The following DLC1 variants were observed in gnomAD, a reference collection of about 807,000 sequenced individuals.
DLC1 encodes rho GTPase-activating protein 7.
A neutral mutation model predicts 140.3 loss-of-function variants in DLC1; 54 were observed. The ratio of observed to expected loss-of-function variants is 0.38; its 90% CI spans 0.31 to 0.48. DLC1 has a LOEUF of 0.48. Among genes scored for constraint, DLC1 ranks in the 20% least tolerant of loss-of-function variants. The pLI, the probability that DLC1 is intolerant of heterozygous loss-of-function variation, is 0.96. For synonymous variants in DLC1, 986 were observed against 728.1 expected, an observed-to-expected ratio of 1.35 and a Z score of -5.70; for missense variants, 2,536 against 1,907.0, an observed-to-expected ratio of 1.33 and a Z score of -6.14.
In DLC1 at chr8:13,357,890, G is replaced by C. The variant is rs563897478; in HGVS notation, c.1314+35663C>G. Among the ~76,000 whole-genome samples the C allele has an allele frequency of 1.2e-3, 180 of 152,242 alleles. 8 individuals carry two copies. In the South Asian group the frequency reaches 0.033, roughly 28 times the overall value. Reference sequence around the variant, plus strand: ...TAAAATTTCTTGGAAGAAATTAGAAGAGAGCCTCTTGATCACAAAAAATAT... The same window carrying C: ...TAAAATTTCTTGGAAGAAATTAGAACAGAGCCTCTTGATCACAAAAAATAT... On this transcript the variant is annotated intron_variant, in intron 4 of 17. Transcript: ENST00000276297.
intron 2 of DLC1, among the ~76,000 whole-genome samples, chr8:13,426,773 G>A (rs745436747): frequency 2.1e-5 from 3 of 146,062 alleles, no homozygotes; most frequent in Admixed American, 6.9e-5. Flanking sequence ...CCATTGCCTC[G>A]TTCTTATATA....
intron 1 of DLC1, among the ~76,000 whole-genome samples, chr8:13,552,622 G>C (rs1339385464): frequency 1.3e-5 from 2 of 151,434 alleles, no homozygotes; most frequent in African/African-American, 4.8e-5. Flanking sequence ...CTATGTACTA[G>C]AAATGTGTTC....
At chr8:13,548,657 C>G (rs967179469) in intron 1 of DLC1, among the ~76,000 whole-genome samples, 5 of 151,984 alleles carry the variant, frequency 3.3e-5, no homozygotes, top group African/African-American at 1.2e-4. Context: ...ATGGATTTGG[C>G]AATTCTACGG....
intron 5 of DLC1, among the ~76,000 whole-genome samples, chr8:13,181,546 C>T (rs1247762739): frequency 2.8e-5 from 4 of 142,218 alleles, no homozygotes; most frequent in Admixed American, 1.5e-4. Context: ...TCTAAGTGAT[C>T]TCATTGTTCA....
At chr8:13,399,440 C>T (rs1410921561) in intron 3 of DLC1, among the ~76,000 whole-genome samples, 2 of 152,196 alleles carry the variant, frequency 1.3e-5, no homozygotes, top group Non-Finnish European at 2.9e-5. Context: ...CTCATCCTCT[C>T]TCTCTGAAGC....
chr8:13,448,865 C>T (rs999480382), intron 2 of DLC1, among the ~76,000 whole-genome samples: 1 of 151,952 alleles, frequency 6.6e-6, no homozygotes, highest in Non-Finnish European at 1.5e-5. Context: ...ATGTATTATA[C>T]ACTAGCAGAT....
In DLC1 at chr8:13,506,566, CAT is replaced by C. The variant is rs1491228342; in HGVS notation, c.-125-6372_-125-6371del. Among the ~76,000 whole-genome samples the C allele has an allele frequency of 9.9e-3, 104 of 10,524 alleles. 3 individuals carry two copies. Among genetic ancestry groups the C allele is most frequent in the Admixed American group, 0.044 (29 of 662 alleles). The allele number at this position is 10,524 out of a possible 152,430, so 6.9% of individuals were successfully genotyped here. ...ATGGACACACACACACACACACACA[CAT>C]GTGTGTGTGTGTGTATATATATATA... On this transcript the variant is annotated intron_variant, in intron 1 of 17. Coordinates refer to ENST00000276297, the MANE Select transcript of DLC1 (RefSeq NM_182643.3).
intron 5 of DLC1, chr8:13,133,507 C>A (rs1822312711): frequency 6.1e-6 from 1 of 164,038 alleles, no homozygotes; most frequent in South Asian, 1.8e-4. Context: ...CGCCCAGGCC[C>A]CGCCTCTCCT....
At chr8:13,564,869 A>G (rs1219193829) in intron 1 of DLC1, among the ~76,000 whole-genome samples, 1 of 152,166 alleles carries the variant, frequency 6.6e-6, no homozygotes, top group Non-Finnish European at 1.5e-5. Flanking sequence ...AGAGAGCCTG[A>G]CTGGACTCTC....
chr8:13,567,736 C>T, intron 1 of DLC1: 1 of 1,552,068 alleles, frequency 6.4e-7, no homozygotes, highest in South Asian at 1.2e-5. Context: ...AGAAGCACAT[C>T]AAGACTTTCC....
chr8:13,571,856 C>T (rs34466826), intron 1 of DLC1, among the ~76,000 whole-genome samples: 37,966 of 152,028 alleles, frequency 0.25, 5,661 homozygotes, highest in Non-Finnish European at 0.34. Flanking sequence ...TTTTCACGTC[C>T]TTGCCAACAC....
chr8:13,565,500 C>G (rs1804395107), intron 1 of DLC1, among the ~76,000 whole-genome samples: 1 of 152,176 alleles, frequency 6.6e-6, no homozygotes. Context: ...TTTTTAAAGA[C>G]TACCATTATA....
chr8:13,372,894 G>T (rs1835792328), intron 4 of DLC1, among the ~76,000 whole-genome samples: 1 of 152,164 alleles, frequency 6.6e-6, no homozygotes. Context: ...TAAGGCAACA[G>T]ATTTGAATGC....
At chr8:13,125,174 G>A (rs1051360153) in intron 5 of DLC1, among the ~76,000 whole-genome samples, 14 of 151,960 alleles carry the variant, frequency 9.2e-5, no homozygotes, top group African/African-American at 2.9e-4. Flanking sequence ...ACGGGGTTTC[G>A]CCATGTTGGC....
intron 4 of DLC1, among the ~76,000 whole-genome samples, chr8:13,371,324 C>T (rs1207824741): frequency 6.6e-6 from 1 of 152,126 alleles, no homozygotes; most frequent in African/African-American, 2.4e-5. Flanking sequence ...TTAATGTATT[C>T]TGTCCCCATT....
intron 2 of DLC1, among the ~76,000 whole-genome samples, chr8:13,416,143 C>A (rs1219910645): frequency 6.6e-6 from 1 of 152,108 alleles, no homozygotes; most frequent in Non-Finnish European, 1.5e-5. Flanking sequence ...TCTAGGGGTC[C>A]CATGTTATTC....
intron 2 of DLC1, among the ~76,000 whole-genome samples, chr8:13,470,883 G>A (rs535000183): frequency 1.3e-5 from 2 of 152,212 alleles, no homozygotes; most frequent in East Asian, 3.9e-4. Context: ...ATCAATGAAT[G>A]AATGGACAAA....
At chr8:13,598,858 T>A (rs1805769837) in intron 1 of DLC1, among the ~76,000 whole-genome samples, 1 of 151,564 alleles carries the variant, frequency 6.6e-6, no homozygotes, top group African/African-American at 2.4e-5. Context: ...AATTTAAAAC[T>A]TTTTTTTGGC....
intron 1 of DLC1, among the ~76,000 whole-genome samples, chr8:13,572,075 G>C (rs940726643): frequency 7.3e-6 from 1 of 137,134 alleles, no homozygotes; most frequent in Non-Finnish European, 1.6e-5. Flanking sequence ...TGAGTTTCAG[G>C]ATTATTATTA....
Sources: gnomAD v4.1 joint callset for allele counts (sites outside exome capture counted in the v4.1 genomes callset) on GRCh38, gnomAD v4.1.1 for gene constraint, MANE v1.5 for transcripts, NCBI Gene and HGNC (gene_info 2026-07-23, HGNC 2026-07-21) for gene names.